PRRC2B: variants seen among roughly 807,000 people sequenced by gnomAD.
PRRC2B encodes protein PRRC2B.
In PRRC2B, 68 loss-of-function variants were observed where a neutral mutation model predicts 242.3. The observed-to-expected ratio is 0.28, with a 90% CI of 0.23 to 0.34. PRRC2B has a LOEUF of 0.34. Ranked by LOEUF, PRRC2B falls within the 10% of genes least tolerant of loss-of-function variation. The probability of loss-of-function intolerance (pLI) is 1.00; values close to 1 mark genes in which losing one functional copy is unlikely to be tolerated. For missense variants in PRRC2B, 2,835 were observed against 2,954.8 expected, an observed-to-expected ratio of 0.96 and a Z score of 0.94; for synonymous variants, 1,228 against 1,173.6, an observed-to-expected ratio of 1.05 and a Z score of -0.95.
chr9:131,386,864 T>G (rs183025656), intron 1 of PRRC2B, among the ~76,000 whole-genome samples: 74 of 149,894 alleles, frequency 4.9e-4, no homozygotes, highest in African/African-American at 1.8e-3. Context: ...TATTAAGTAT[T>G]AATTTACACG....
chr9:131,466,832 C>T lies in PRRC2B; in HGVS notation c.1721-731C>T, dbSNP rs188333525. 2.4e-4 allele frequency among the ~76,000 whole-genome samples: 36 copies of T among 150,356 alleles called. No homozygotes were observed. The East Asian group carries it at 4.1e-3, about 17-fold the overall frequency. The stretch of plus-strand genomic sequence containing the variant: ...CTTTTTTTTTTTGGAGACGGATTCT[C>T]ACTCTGTCGCCCAGGCTGGAGTGCA... On this transcript the variant is annotated intron_variant, in intron 12 of 31. Transcript: ENST00000683519.
In PRRC2B at chr9:131,488,111, C is replaced by T; in HGVS notation, c.6225+15C>T. 6.2e-7 allele frequency: 1 copy of T among 1,608,736 alleles called. No homozygotes were observed. Among genetic ancestry groups the T allele is most frequent in the South Asian group, 1.1e-5 (1 of 90,672 alleles). ...AGCTCCCACAGGTCAGGAATTCAGT[C>T]ACTCTACCCAAAGCCCTAGGCTTCT... On this transcript the variant is annotated intron_variant, in intron 28 of 31. Coordinates refer to ENST00000683519, the MANE Select transcript of PRRC2B (RefSeq NM_013318.4).
At chr9:131,431,985 G>A (rs1838190848) in intron 2 of PRRC2B, among the ~76,000 whole-genome samples, 1 of 151,790 alleles carries the variant, frequency 6.6e-6, no homozygotes, top group African/African-American at 2.4e-5. Flanking sequence ...GTAGAGACAG[G>A]GTTTTGTCAC....
chr9:131,467,298 G>A (rs552751144), intron 12 of PRRC2B, among the ~76,000 whole-genome samples: 2 of 152,232 alleles, frequency 1.3e-5, no homozygotes, highest in East Asian at 3.9e-4. Context: ...GCCACTGACC[G>A]TGTGACCCTG....
At chr9:131,450,675 C>A (rs560946169) in intron 9 of PRRC2B, among the ~76,000 whole-genome samples, 8 of 152,080 alleles carry the variant, frequency 5.3e-5, no homozygotes, top group Non-Finnish European at 1.2e-4. Context: ...GCAACCTCTG[C>A]TTCCTGGGTT....
intron 1 of PRRC2B, among the ~76,000 whole-genome samples, chr9:131,421,776 C>T (rs1588242890): frequency 1.3e-5 from 2 of 152,164 alleles, no homozygotes; most frequent in Non-Finnish European, 2.9e-5. Context: ...GGTGGCATGG[C>T]GTAAATAAAA....
rs762842226 is a variant in PRRC2B, at chr9:131,475,235, C to A, written c.3106C>A (p.Arg1036=). 3 of 1,613,760 alleles carry A rather than the reference C, an allele frequency of 1.9e-6. No homozygotes were observed. The highest frequency in any genetic ancestry group is 2.5e-6 in the Non-Finnish European group (3 of 1,179,864). ...CAAGGCCTGGGAAGCCAGACCCCCACGAGAGTCCAGCGATGTTCCCCCCAT... is the reference window on the plus strand; with the variant it reads ...CAAGGCCTGGGAAGCCAGACCCCCAAGAGAGTCCAGCGATGTTCCCCCCAT... ...PDKAWEARPP[R]ESSDVPPMKR... Residue 1036 remains arginine, a synonymous_variant, in exon 16 of 32, where the codon CGA becomes AGA. Coordinates refer to ENST00000683519, the MANE Select transcript of PRRC2B (RefSeq NM_013318.4).
At position 131,470,961 on chromosome 9, in the gene PRRC2B, C is replaced by T. The variant is rs764130717; in HGVS notation, c.2085C>T (p.Tyr695=). 20 of 1,611,714 alleles carry T rather than the reference C, an allele frequency of 1.2e-5. No homozygotes were observed. The highest frequency in any genetic ancestry group is 1.7e-5 in the Non-Finnish European group (20 of 1,178,628). The change falls in exon 14 of 32, where the codon TAC becomes TAT. Residue 695 remains tyrosine, a synonymous_variant. Transcript: ENST00000683519. ...CCACTCGGACCCCGGTGGACTTCTA[C>T]CCCTCCGCCCTGCATCCCTCAGGTA... The part of the protein sequence containing the change: ...ITPTRTPVDF[Y]PSALHPSGLM...
Position 131,444,112 on chromosome 9 carries a change from G to A in PRRC2B, c.470-73G>A, listed in dbSNP as rs975569387. ...CACTTCCAGGCAACACGGCTTTCAAGGTGTGGAGCTGGGAAGCAGACGACT... is the reference window on the plus strand; with the variant it reads ...CACTTCCAGGCAACACGGCTTTCAAAGTGTGGAGCTGGGAAGCAGACGACT... On this transcript the variant is annotated intron_variant, in intron 5 of 31. Transcript: ENST00000683519. The A allele has an allele frequency of 3.5e-5, 55 of 1,553,564 alleles. No homozygotes were observed. The Admixed American group carries it at 9.1e-4, about 26-fold the overall frequency.
intron 1 of PRRC2B, among the ~76,000 whole-genome samples, chr9:131,384,710 G>A (rs1422808935): frequency 6.6e-6 from 1 of 151,664 alleles, no homozygotes; most frequent in Non-Finnish European, 1.5e-5. Flanking sequence ...GAGCCACTGC[G>A]CCTGGCTTAA....
chr9:131,436,500 T>C, intron 3 of PRRC2B, 120 bp from the exon 4 acceptor site: 1 of 667,528 alleles, frequency 1.5e-6, no homozygotes, highest in East Asian at 2.7e-5. Context: ...GTCGTATTTT[T>C]ATTGGCCAGA....
At chr9:131,447,365 T>C (rs1462650329) in intron 8 of PRRC2B, among the ~76,000 whole-genome samples, 159 bp downstream of exon 8, 1 of 151,940 alleles carries the variant, frequency 6.6e-6, no homozygotes, top group East Asian at 1.9e-4. Context: ...GGCTGGGATT[T>C]GGAGCTGGAT....
chr9:131,444,333 G>A lies in PRRC2B; in HGVS notation c.613+5G>A. ...GACCAAGCCTCCGCCCTCAGAGTAA[G>A]TGACTGCAGCCTCTGGGCACTCGAT... On this transcript the variant is annotated splice_donor_5th_base_variant and intron_variant, in intron 6 of 31. Transcript: ENST00000683519. The A allele has an allele frequency of 6.2e-7, 1 of 1,610,416 alleles. No individual in the cohort carries two copies. The highest frequency in any genetic ancestry group is 8.5e-7 in the Non-Finnish European group (1 of 1,178,346).
At chr9:131,481,637 G>C in intron 19 of PRRC2B, 89 bp from the exon 20 acceptor site, 1 of 1,067,680 alleles carries the variant, frequency 9.4e-7, no homozygotes, top group South Asian at 1.3e-5. Context: ...ATTTCTGCAA[G>C]CTGTGCCTGT....
rs1475601517 is a variant in PRRC2B, at chr9:131,491,006, T to C, written c.6226-419T>C. 5 of 244,788 alleles carry C rather than the reference T, an allele frequency of 2.0e-5. No homozygotes were observed. The South Asian group carries it at 2.2e-4, about 11-fold the overall frequency. The allele number at this position is 244,788 out of a possible 1,614,324, so 15.2% of individuals were successfully genotyped here. ...AGTGTGTGACACACTATCCTGGCAG[T>C]GTGCAGGCCCATGTTGGACAGGGCC... On this transcript the variant is annotated intron_variant, in intron 28 of 31. Coordinates refer to ENST00000683519, the MANE Select transcript of PRRC2B (RefSeq NM_013318.4).
At chr9:131,426,393 A>G (rs1173621360) in intron 1 of PRRC2B, among the ~76,000 whole-genome samples, 4 of 151,682 alleles carry the variant, frequency 2.6e-5, no homozygotes, top group Non-Finnish European at 5.9e-5. Context: ...AGAAAGGAAA[A>G]TCATTCAATG....
intron 26 of PRRC2B, chr9:131,486,402 T>C: frequency 1.3e-6 from 1 of 767,000 alleles, no homozygotes; most frequent in Non-Finnish European, 1.6e-6. Flanking sequence ...AGACTCTGCT[T>C]AGTTTTCCTT....
chr9:131,471,031 G>A (rs767717418), intron 14 of PRRC2B, 48 bp downstream of exon 14: 9 of 1,433,034 alleles, frequency 6.3e-6, no homozygotes, highest in Admixed American at 2.1e-5. Context: ...CCAGGATAGC[G>A]TGGTGGTCAA....
At chr9:131,416,450 T>C (rs1837656048) in intron 1 of PRRC2B, among the ~76,000 whole-genome samples, 1 of 152,206 alleles carries the variant, frequency 6.6e-6, no homozygotes, top group Non-Finnish European at 1.5e-5. Context: ...TAGAATAGTT[T>C]AGCTGTACAG....
Sources: allele counts gnomAD v4.1 joint callset (sites outside exome capture counted in the v4.1 genomes callset), GRCh38; gene constraint gnomAD v4.1.1; transcripts MANE v1.5; gene names NCBI Gene and HGNC (gene_info 2026-07-23, HGNC 2026-07-21).